Variants in CYP2C18 observed in about 807,000 individuals in gnomAD.
CYP2C18 encodes cytochrome P450 2C18.
Under a neutral mutation model 41.3 loss-of-function variants are expected in CYP2C18, and 38 were observed. The observed-to-expected ratio is 0.92, with a 90% CI of 0.71 to 1.21. CYP2C18 has a LOEUF of 1.21. Among genes scored for constraint, CYP2C18 ranks in the 50% most tolerant of loss-of-function variants. CYP2C18 has a pLI of 0.00. For missense variants in CYP2C18, 635 were observed against 591.4 expected (o/e 1.07, Z -0.77); for synonymous variants, 236 against 210.0 (o/e 1.12, Z -1.07).
chr10:94,724,758 A>T (rs1032834836), intron 7 of CYP2C18, among the ~76,000 whole-genome samples: 1 of 127,798 alleles, frequency 7.8e-6, no homozygotes, highest in Non-Finnish European at 1.7e-5. Context: ...CTTCTTTAGT[A>T]TTTTTTTTTT....
chr10:94,688,501 C>T (rs940297861), intron 3 of CYP2C18, among the ~76,000 whole-genome samples: 1 of 152,062 alleles, frequency 6.6e-6, no homozygotes, highest in Non-Finnish European at 1.5e-5. Context: ...TTGAAATACG[C>T]AATACTTTGA....
At chr10:94,728,900 G>GT (rs1847786797) in intron 7 of CYP2C18, among the ~76,000 whole-genome samples, 1 of 151,960 alleles carries the variant, frequency 6.6e-6, no homozygotes, top group African/African-American at 2.4e-5. Flanking sequence ...CCCTCAACTT[G>GT]TTTTTTTAAC....
intron 5 of CYP2C18, among the ~76,000 whole-genome samples, chr10:94,707,222 T>C (rs1847360862): frequency 6.6e-6 from 1 of 152,068 alleles, no homozygotes. Context: ...AGATAGAAAA[T>C]GCAAAATATA....
chr10:94,720,515 G>C lies in CYP2C18; in HGVS notation c.939G>C (p.Leu313=), dbSNP rs774546812. The stretch of plus-strand genomic sequence containing the variant: ...CTCTGAGATATGGACTCCTGCTCCT[G>C]CTGAAGTACCCAGAGGTCACAGGTA... ...STTLRYGLLL[L]LKYPEVTAKV... is the part of the protein sequence containing the mutation. The change falls in exon 6 of 9, where the codon CTG becomes CTC. Residue 313 remains leucine (L), a synonymous_variant. Coordinates refer to ENST00000285979, the MANE Select transcript of CYP2C18 (RefSeq NM_000772.3). 5.0e-6 allele frequency: 8 copies of C among 1,613,240 alleles called. No homozygotes were observed. The highest frequency in any genetic ancestry group is 6.8e-6 in the Non-Finnish European group (8 of 1,179,514).
chr10:94,733,175 A>G, intron 7 of CYP2C18, 122 bp from the exon 8 acceptor site: 1 of 954,486 alleles, frequency 1.0e-6, no homozygotes, highest in Non-Finnish European at 1.6e-6. Flanking sequence ...GTGGGAATGT[A>G]ACTTCTTTGG....
At chr10:94,715,242 A>G (rs1420071370) in intron 5 of CYP2C18, among the ~76,000 whole-genome samples, 1 of 152,210 alleles carries the variant, frequency 6.6e-6, no homozygotes, top group East Asian at 1.9e-4. Context: ...GAGAGAGGGC[A>G]TCCCTGTCTT....
intron 3 of CYP2C18, 134 bp from the exon 4 acceptor site, chr10:94,694,783 G>A: frequency 2.1e-6 from 2 of 931,486 alleles, no homozygotes; most frequent in Non-Finnish European, 3.2e-6. Flanking sequence ...TCAATATGCT[G>A]TAGTTTGTGT....
At chr10:94,695,521 T>G (rs1847099997) in intron 4 of CYP2C18, among the ~76,000 whole-genome samples, 2 of 152,188 alleles carry the variant, frequency 1.3e-5, no homozygotes, top group African/African-American at 4.8e-5. Context: ...CCTTCACTTA[T>G]GAAGCTTAGT....
At chr10:94,692,105 T>C (rs1053195194) in intron 3 of CYP2C18, among the ~76,000 whole-genome samples, 8 of 152,306 alleles carry the variant, frequency 5.3e-5, no homozygotes, top group South Asian at 2.1e-4. Flanking sequence ...ATTTAGGACA[T>C]AGGCATGGGC....
intron 6 of CYP2C18, among the ~76,000 whole-genome samples, chr10:94,723,661 G>T (rs1847684840): frequency 6.6e-6 from 1 of 152,066 alleles, no homozygotes. Context: ...ACTAGAGTGG[G>T]GGAAGTGTGA....
Position 94,683,863 on chromosome 10 carries a change from T to C in CYP2C18, c.44T>C (p.Phe15Ser). The C allele has an allele frequency of 6.2e-7, 1 of 1,610,666 alleles. No individual in the cohort carries two copies. The highest frequency in any genetic ancestry group is 1.7e-4 in the Middle Eastern group (1 of 6,020). Residue 15 changes from phenylalanine (F) to serine (S), a missense_variant, in exon 1 of 9, where the codon TTT becomes TCT. Coordinates refer to ENST00000285979, the MANE Select transcript of CYP2C18 (RefSeq NM_000772.3). ...VALVLCLSCL[F>S]LLSLWRQSSG... is the part of the protein sequence containing the mutation. ...CTGGTGCTCTGTCTCTCCTGTTTGT[T>C]TCTCCTTTCACTCTGGAGGCAGAGC... is the stretch of plus-strand genomic sequence containing the variant.
Position 94,694,970 on chromosome 10 carries a change from T to A in CYP2C18, c.535T>A (p.Cys179Ser), listed in dbSNP as rs760192565. 7 of 1,613,344 alleles carry A rather than the reference T, an allele frequency of 4.3e-6. No homozygotes were observed. The highest frequency in any genetic ancestry group is 5.9e-6 in the Non-Finnish European group (7 of 1,179,906). The change falls in exon 4 of 9, where the codon TGC becomes AGC. Residue 179 changes from cysteine to serine, a missense_variant. Transcript: ENST00000285979. Reference sequence around the variant, plus strand: ...GGGCTGTGCTCCCTGCAATGTGATCTGCTCTGTTATTTTCCATGATCGATT... The same window carrying A: ...GGGCTGTGCTCCCTGCAATGTGATCAGCTCTGTTATTTTCCATGATCGATT... ...ILGCAPCNVI[C>S]SVIFHDRFDY...
chr10:94,701,836 G>T (rs1391401123), intron 4 of CYP2C18, among the ~76,000 whole-genome samples: 1 of 152,146 alleles, frequency 6.6e-6, no homozygotes, highest in Non-Finnish European at 1.5e-5. Flanking sequence ...GGAGAAGGAA[G>T]AGGATAGTTA....
Position 94,735,264 on chromosome 10 carries a change from A to T in CYP2C18, c.1293A>T (p.Gly431=). 3 of 1,613,278 alleles carry T rather than the reference A, an allele frequency of 1.9e-6. No homozygotes were observed. Among genetic ancestry groups the T allele is most frequent in the Non-Finnish European group, 2.5e-6 (3 of 1,179,492 alleles). Reference sequence around the variant, plus strand: ...ATCCCCTATGTCTCTTATTTTCAGGAAAACGGATGTGTATGGGAGAGGGCC... The same window carrying T: ...ATCCCCTATGTCTCTTATTTTCAGGTAAACGGATGTGTATGGGAGAGGGCC... ...KSDYFMPFSA[G]KRMCMGEGLA... is the part of the protein sequence containing the mutation. Residue 431 remains glycine, a splice_region_variant and synonymous_variant, in exon 9 of 9, where the codon GGA becomes GGT. Coordinates refer to ENST00000285979, the MANE Select transcript of CYP2C18 (RefSeq NM_000772.3).
At position 94,683,734 on chromosome 10, in the gene CYP2C18, C is replaced by G. The variant is rs1846828334; in HGVS notation, c.-86C>G. 2 of 1,030,306 alleles carry G rather than the reference C, an allele frequency of 1.9e-6. No individual in the cohort carries two copies. Among genetic ancestry groups the G allele is most frequent in the Non-Finnish European group, 2.8e-6 (2 of 723,790 alleles). The allele number at this position is 1,030,306 out of a possible 1,614,324, so 63.8% of individuals were successfully genotyped here. On this transcript the variant is annotated 5_prime_UTR_variant, in exon 1 of 9. Transcript: ENST00000285979. ...TTTGCTGACTAGTCACAGTCAGAGT[C>G]AGAATCACAGGTGGATTAGTAGGGA...
At chr10:94,720,257 ATTG>A (rs1847625013) in intron 5 of CYP2C18, 136 bp from the exon 6 acceptor site, 1 of 653,648 alleles carries the variant, frequency 1.5e-6, no homozygotes, top group South Asian at 2.2e-5. Flanking sequence ...ACACCGTGCA[ATTG>A]TTGTAGTTTT....
intron 5 of CYP2C18, among the ~76,000 whole-genome samples, chr10:94,710,132 G>T (rs1417477518): frequency 2.6e-5 from 4 of 152,148 alleles, no homozygotes; most frequent in Non-Finnish European, 5.9e-5. Context: ...ACTATGGCCA[G>T]ATAATTTATT....
intron 5 of CYP2C18, among the ~76,000 whole-genome samples, chr10:94,708,061 C>A (rs576417143): frequency 1.3e-5 from 2 of 152,280 alleles, no homozygotes; most frequent in South Asian, 4.1e-4. Context: ...CTGAAGCCAC[C>A]ATTATTTTAT....
At chr10:94,719,049 C>T (rs1024987119) in intron 5 of CYP2C18, among the ~76,000 whole-genome samples, 1 of 152,130 alleles carries the variant, frequency 6.6e-6, no homozygotes, top group Non-Finnish European at 1.5e-5. Flanking sequence ...GACTTTCTCT[C>T]ACAGGGAATT....
Sources: gnomAD v4.1 joint callset for allele counts (sites outside exome capture counted in the v4.1 genomes callset) on GRCh38, gnomAD v4.1.1 for gene constraint, MANE v1.5 for transcripts, NCBI Gene and HGNC (gene_info 2026-07-23, HGNC 2026-07-21) for gene names.